The following GPR137C variants were observed in gnomAD, a reference collection of about 807,000 sequenced individuals.
The protein encoded by GPR137C is integral membrane protein GPR137C.
Under a neutral mutation model 43.4 loss-of-function variants are expected in GPR137C, and 27 were observed. The ratio of observed to expected loss-of-function variants is 0.62; its 90% CI spans 0.46 to 0.86. The LOEUF is 0.86. Among genes scored for constraint, GPR137C ranks in the 40% least tolerant of loss-of-function variants. The pLI, the probability that GPR137C is intolerant of heterozygous loss-of-function variation, is 0.00. For missense variants in GPR137C, 522 were observed against 534.6 expected (o/e 0.98, Z 0.23); for synonymous variants, 285 against 226.9 (o/e 1.26, Z -2.30).
At chr14:52,612,650 C>A in intron 3 of GPR137C, 1 of 332,642 alleles carries the variant, frequency 3.0e-6, no homozygotes. Flanking sequence ...TAACCTCAAA[C>A]TCCTGGGCTT....
chr14:52,598,462 A>T, intron 2 of GPR137C, 147 bp downstream of exon 2: 1 of 429,250 alleles, frequency 2.3e-6, no homozygotes. Flanking sequence ...GCACCTTCAC[A>T]GTTTTATAGA....
chr14:52,597,007 C>T (rs527559913), intron 1 of GPR137C: 22 of 455,312 alleles, frequency 4.8e-5, no homozygotes, highest in African/African-American at 4.2e-4. Flanking sequence ...ATGCATTTCT[C>T]AGAACATATA....
intron 1 of GPR137C, among the ~76,000 whole-genome samples, chr14:52,559,346 C>T (rs1467840582): frequency 6.6e-6 from 1 of 152,100 alleles, no homozygotes; most frequent in Admixed American, 6.5e-5. Context: ...CACACCACTG[C>T]ACTCTAGCCT....
At chr14:52,629,231 T>C (rs1382421158) in intron 3 of GPR137C, among the ~76,000 whole-genome samples, 1 of 152,188 alleles carries the variant, frequency 6.6e-6, no homozygotes, top group Non-Finnish European at 1.5e-5. Flanking sequence ...ACAGCTGAAC[T>C]TAACGACCAC....
intron 3 of GPR137C, among the ~76,000 whole-genome samples, chr14:52,611,225 C>A (rs980969425): frequency 1.3e-5 from 2 of 151,882 alleles, no homozygotes; most frequent in African/African-American, 4.8e-5. Context: ...TAATTATTCA[C>A]ATTTCTATAT....
chr14:52,612,253 T>TA (rs2039046205), intron 3 of GPR137C: 1 of 969,212 alleles, frequency 1.0e-6, no homozygotes, highest in South Asian at 4.8e-5. Context: ...AGTGTAAATG[T>TA]AAATATAATT....
rs2139590294 is a variant in GPR137C, at chr14:52,636,068, T to G, written c.*953T>G. 6.6e-6 allele frequency: 1 copy of G among 152,244 alleles called. No individual in the cohort carries two copies. Among genetic ancestry groups the G allele is most frequent in the Non-Finnish European group, 1.5e-5 (1 of 67,984 alleles). The allele number at this position is 152,244 out of a possible 1,614,324, so 9.4% of individuals were successfully genotyped here. A position where few individuals can be genotyped will look rare whatever the true frequency, so the allele number is the denominator to read the frequency against. ...TGAATCAGGATTGTCCTCAGGTAAA[T>G]GAAATCATGATACATTATTGCAGTG... On this transcript the variant is annotated 3_prime_UTR_variant, in exon 7 of 7. Coordinates refer to ENST00000321662, the MANE Select transcript of GPR137C (RefSeq NM_001099652.2).
chr14:52,633,192 A>G (rs1235509828), intron 4 of GPR137C, among the ~76,000 whole-genome samples: 3 of 152,122 alleles, frequency 2.0e-5, no homozygotes, highest in Non-Finnish European at 2.9e-5. Flanking sequence ...TATTTTGCCT[A>G]TGGAGCAGCT....
chr14:52,574,659 T>C (rs1410882790), intron 1 of GPR137C, among the ~76,000 whole-genome samples: 1 of 152,144 alleles, frequency 6.6e-6, no homozygotes. Context: ...ACATGTATAC[T>C]TATGTAACAA....
At chr14:52,609,747 T>C (rs1255986852) in intron 3 of GPR137C, among the ~76,000 whole-genome samples, 1 of 152,212 alleles carries the variant, frequency 6.6e-6, no homozygotes, top group African/African-American at 2.4e-5. Context: ...TGGGTGGGAA[T>C]GCTGGCCAGG....
chr14:52,617,634 G>T (rs1311159296), intron 3 of GPR137C, among the ~76,000 whole-genome samples: 1 of 152,138 alleles, frequency 6.6e-6, no homozygotes, highest in Non-Finnish European at 1.5e-5. Flanking sequence ...AGCCGAGATT[G>T]TACCACCGCA....
At chr14:52,609,678 G>T (rs886643711) in intron 3 of GPR137C, among the ~76,000 whole-genome samples, 5 of 152,206 alleles carry the variant, frequency 3.3e-5, no homozygotes, top group Admixed American at 6.5e-5. Context: ...GGGCTCGGAA[G>T]TTGATGCCAA....
intron 1 of GPR137C, among the ~76,000 whole-genome samples, chr14:52,596,197 C>T (rs117569141): frequency 0.1 from 15,884 of 152,152 alleles, 1,159 homozygotes; most frequent in East Asian, 0.36. Flanking sequence ...CTGGATGCTT[C>T]GTCCCAGAGG....
intron 1 of GPR137C, among the ~76,000 whole-genome samples, chr14:52,573,926 TC>T (rs2038510636): frequency 6.6e-6 from 1 of 152,090 alleles, no homozygotes; most frequent in South Asian, 2.1e-4. Context: ...AACAGACACT[TC>T]TCAAAAGAAG....
rs776811012 is a variant in GPR137C at position 52,633,681 on chromosome 14, T to A, written c.993+26T>A. 1.1e-5 allele frequency: 17 copies of A among 1,606,478 alleles called. No homozygotes were observed. The East Asian group carries it at 1.8e-4, about 17-fold the overall frequency. On this transcript the variant is annotated intron_variant, in intron 5 of 6. Coordinates refer to ENST00000321662, the MANE Select transcript of GPR137C (RefSeq NM_001099652.2). ...GTATGATATAATATTCCCCAATGCC[T>A]GTTCTCCTATTTTTAAAAATTATGG...
At chr14:52,597,432 C>G (rs1477472657) in intron 1 of GPR137C, among the ~76,000 whole-genome samples, 2 of 152,154 alleles carry the variant, frequency 1.3e-5, no homozygotes, top group African/African-American at 2.4e-5. Flanking sequence ...CACTATTTTT[C>G]TTCATAATGT....
At chr14:52,589,836 G>T (rs1032577636) in intron 1 of GPR137C, among the ~76,000 whole-genome samples, 1 of 152,132 alleles carries the variant, frequency 6.6e-6, no homozygotes, top group African/African-American at 2.4e-5. Context: ...TTACTCACAT[G>T]TTTATGGTGA....
At chr14:52,630,667 G>T (rs2039284120) in intron 3 of GPR137C, among the ~76,000 whole-genome samples, 1 of 151,960 alleles carries the variant, frequency 6.6e-6, no homozygotes, top group African/African-American at 2.4e-5. Flanking sequence ...ATTGTTCTGA[G>T]GAAGTCAGTT....
chr14:52,585,800 A>G (rs1252423303), intron 1 of GPR137C, among the ~76,000 whole-genome samples: 1 of 152,190 alleles, frequency 6.6e-6, no homozygotes. Flanking sequence ...GCACCACTGC[A>G]TTCCAACCTG....
Sources: allele counts gnomAD v4.1 joint callset (sites outside exome capture counted in the v4.1 genomes callset), GRCh38; gene constraint gnomAD v4.1.1; transcripts MANE v1.5; gene names NCBI Gene and HGNC (gene_info 2026-07-23, HGNC 2026-07-21).